CTSE: variants seen among roughly 807,000 people sequenced by gnomAD.
CTSE encodes erythrocyte membrane aspartic proteinase.
Under a neutral mutation model 42.8 loss-of-function variants are expected in CTSE, and 43 were observed. The ratio of observed to expected loss-of-function variants is 1.01; its 90% CI spans 0.79 to 1.30. The LOEUF is 1.30. CTSE is among the 50% of genes most tolerant of loss of function. The pLI is 0.00. For missense variants in CTSE, 532 were observed against 493.5 expected, an observed-to-expected ratio of 1.08 and a Z score of -0.74; for synonymous variants, 205 against 191.5, an observed-to-expected ratio of 1.07 and a Z score of -0.58.
At chr1:206,014,159 G>A (rs1558151276) in intron 5 of CTSE, 4 of 390,766 alleles carry the variant, frequency 1.0e-5, no homozygotes, top group Middle Eastern at 7.2e-4. Context: ...GTGGGAAATG[G>A]GGCCAGCAGG....
intron 4 of CTSE, among the ~76,000 whole-genome samples, chr1:206,017,218 A>C (rs1336332483): frequency 6.6e-6 from 1 of 152,054 alleles, no homozygotes; most frequent in Non-Finnish European, 1.5e-5. Context: ...TGTCATTAAA[A>C]ATCTATTTGC....
intron 4 of CTSE, among the ~76,000 whole-genome samples, chr1:206,020,014 C>T (rs1490462133): frequency 1.4e-5 from 2 of 141,950 alleles, no homozygotes. Context: ...TAATGTATTA[C>T]ATATTATATT....
rs567235223 is a variant in CTSE, at chr1:206,016,485, GT to G, written c.463-356del. Among the ~76,000 whole-genome samples, 41 of 152,006 alleles carry G rather than the reference GT, an allele frequency of 2.7e-4. 1 individual carries two copies. In the East Asian group the frequency reaches 6.8e-3, roughly 25 times the overall value. ...ACTCATCATGTGCTTATTGTACACTGTTTTTTTGTAACTTGTTTCAGAAAAT... is the reference window on the plus strand; with the variant it reads ...ACTCATCATGTGCTTATTGTACACTGTTTTTTGTAACTTGTTTCAGAAAAT... On this transcript the variant is annotated intron_variant, in intron 4 of 8. Coordinates refer to ENST00000358184, the MANE Select transcript of CTSE (RefSeq NM_001910.4).
At chr1:206,012,878 T>A (rs1431501306) in intron 6 of CTSE, among the ~76,000 whole-genome samples, 1 of 152,126 alleles carries the variant, frequency 6.6e-6, no homozygotes, top group Non-Finnish European at 1.5e-5. Flanking sequence ...TGGTATTTTC[T>A]ACTGTATTCC....
At chr1:206,016,717 A>G (rs1553277778) in intron 4 of CTSE, among the ~76,000 whole-genome samples, 1 of 152,104 alleles carries the variant, frequency 6.6e-6, no homozygotes, top group African/African-American at 2.4e-5. Context: ...ATACTGCAGT[A>G]TCTTGTTCAA....
rs781857670 is a variant in CTSE at position 206,012,325 on chromosome 1, T to G, written c.1009A>C (p.Thr337Pro). Residue 337 changes from threonine to proline, a missense_variant, in exon 8 of 9, where the codon ACT (threonine) becomes CCT (proline). Thr to Pro is a conservative substitution (Grantham distance 38). Coordinates refer to ENST00000358184, the MANE Select transcript of CTSE (RefSeq NM_001910.4). ...GTTCTTACCAGTAGGGTGTAGGCAG[T>G]TGGGCTGAGGGTATAGGGGACTCCG... ...INGVPYTLSP[T>P]AYTLLDFVDG... 2.5e-6 allele frequency: 4 copies of G among 1,613,688 alleles called. No homozygotes were observed. The South Asian group carries it at 4.4e-5, about 18-fold the overall frequency.
chr1:206,016,170 C>T (rs1553277710), intron 4 of CTSE, 40 bp from the exon 5 acceptor site: 4 of 1,583,912 alleles, frequency 2.5e-6, no homozygotes, highest in Non-Finnish European at 2.6e-6. Flanking sequence ...GAGAATGGCA[C>T]AGGGGATTGC....
chr1:206,012,690 C>T lies in CTSE; in HGVS notation c.786-41G>A, dbSNP rs201017650. On this transcript the variant is annotated intron_variant, in intron 6 of 8. Coordinates refer to ENST00000358184, the MANE Select transcript of CTSE (RefSeq NM_001910.4). ...TGTGGTCGGCCCACCTTCCCTCCCC[C>T]GGCTCCTAGGAAACTCCCACTCTTT... 1,300 of 1,599,556 alleles carry T rather than the reference C, an allele frequency of 8.1e-4. 16 individuals carry two copies. The highest frequency in any genetic ancestry group is 3.1e-3 in the South Asian group (281 of 90,424).
At chr1:206,014,740 C>A (rs77849325) in intron 5 of CTSE, among the ~76,000 whole-genome samples, 2,088 of 152,152 alleles carry the variant, frequency 0.014, 51 homozygotes, top group African/African-American at 0.048. Flanking sequence ...GACTGCCAAG[C>A]CTTGATATTC....
At chr1:206,019,263 G>T (rs1553278038) in intron 4 of CTSE, among the ~76,000 whole-genome samples, 1 of 152,096 alleles carries the variant, frequency 6.6e-6, no homozygotes, top group African/African-American at 2.4e-5. Context: ...TGATGCTGCA[G>T]CAGCAGTCTA....
rs556249450 is a variant in CTSE at position 206,019,975 on chromosome 1, T to C, written c.462+1074A>G. Reference sequence around the variant, plus strand: ...ATTATATCAATTATATTCTATAATATATTATATATTATATAACATATATTA... The same window carrying C: ...ATTATATCAATTATATTCTATAATACATTATATATTATATAACATATATTA... On this transcript the variant is annotated intron_variant, in intron 4 of 8. Transcript: ENST00000358184. Among the ~76,000 whole-genome samples the C allele has an allele frequency of 5.6e-5, 8 of 144,032 alleles. No individual in the cohort carries two copies. In the South Asian group the frequency reaches 1.3e-3, roughly 23 times the overall value. The allele number at this position is 144,032 out of a possible 152,430, so 94.5% of individuals were successfully genotyped here.
At chr1:206,021,188 C>A in intron 3 of CTSE, 21 bp from the exon 4 acceptor site, 1 of 1,562,238 alleles carries the variant, frequency 6.4e-7, no homozygotes, top group Non-Finnish European at 8.8e-7. Context: ...GTGCACTGCT[C>A]TTGCTTATGC....
At position 206,023,039 on chromosome 1, in the gene CTSE, A is replaced by C. The variant is rs782290830; in HGVS notation, c.87T>G (p.His29Gln). Residue 29 changes from histidine to glutamine, a missense_variant, in exon 2 of 9, where the codon CAT becomes CAG. His to Gln is a conservative substitution (Grantham distance 24). Transcript: ENST00000358184. ...CCCGCAGCTTCTTCTTGAGGGACGG[A>C]TGCCTCCTGAGGGGCACCCTGGAGA... ...GSLHRVPLRR[H>Q]PSLKKKLRAR... 6.2e-7 allele frequency: 1 copy of C among 1,612,818 alleles called. No individual in the cohort carries two copies. The highest frequency in any genetic ancestry group is 8.5e-7 in the Non-Finnish European group (1 of 1,179,332).
intron 4 of CTSE, among the ~76,000 whole-genome samples, chr1:206,019,725 A>G (rs1661358431): frequency 6.8e-6 from 1 of 147,096 alleles, no homozygotes; most frequent in African/African-American, 2.5e-5. Flanking sequence ...TATATGTCAT[A>G]ATATATATAG....
intron 3 of CTSE, chr1:206,021,513 C>A (rs1279036471): frequency 3.8e-6 from 1 of 261,170 alleles, no homozygotes; most frequent in East Asian, 9.3e-5. Flanking sequence ...CAGGGATAAA[C>A]AATTGCCCCA....
intron 3 of CTSE, 172 bp from the exon 4 acceptor site, chr1:206,021,339 C>T: frequency 1.6e-6 from 1 of 615,846 alleles, no homozygotes; most frequent in Non-Finnish European, 2.9e-6. Context: ...ACATTTCCCT[C>T]TAGCTACAGA....
intron 8 of CTSE, among the ~76,000 whole-genome samples, chr1:206,010,630 C>T (rs191732763): frequency 2.1e-4 from 32 of 152,226 alleles, no homozygotes; most frequent in African/African-American, 7.5e-4. Flanking sequence ...CTACCCCTGT[C>T]ACCATCATTT....
At chr1:206,010,520 G>C (rs994689406) in intron 8 of CTSE, among the ~76,000 whole-genome samples, 173 bp from the exon 9 acceptor site, 6 of 152,030 alleles carry the variant, frequency 3.9e-5, no homozygotes, top group African/African-American at 1.2e-4. Flanking sequence ...CCCTACCCTA[G>C]GTTGCTTAAT....
intron 4 of CTSE, among the ~76,000 whole-genome samples, chr1:206,019,402 G>C (rs1336434248): frequency 6.6e-6 from 1 of 151,974 alleles, no homozygotes; most frequent in African/African-American, 2.4e-5. Context: ...CAGCCTCAAT[G>C]ATGGGGATGT....
Sources: gnomAD v4.1 joint callset for allele counts (sites outside exome capture counted in the v4.1 genomes callset) on GRCh38, gnomAD v4.1.1 for gene constraint, MANE v1.5 for transcripts, NCBI Gene and HGNC (gene_info 2026-07-23, HGNC 2026-07-21) for gene names.